Variants in TCTN1 observed in about 807,000 individuals in gnomAD.
The protein encoded by TCTN1 is tectonic family member 1.
A neutral mutation model predicts 65.8 loss-of-function variants in TCTN1; 58 were observed. That is an observed-to-expected ratio of 0.88 (90% CI 0.71 to 1.10). TCTN1 has a LOEUF of 1.10. Among genes scored for constraint, TCTN1 ranks in the 50% least tolerant of loss-of-function variants. The pLI is 0.00. For missense variants in TCTN1, 645 were observed against 719.4 expected (o/e 0.90, Z 1.18); for synonymous variants, 273 against 289.1 (o/e 0.94, Z 0.57).
rs1237182169 is a variant in TCTN1 at position 110,639,395 on chromosome 12, GTC to G, written c.844-986_844-985del. ...GGTGCTGCTGAAAATGTTTGTCTGT[GTC>G]TGTTTTTTGTTGCTCATAATCCTAC... On this transcript the variant is annotated intron_variant, in intron 7 of 14. Coordinates refer to ENST00000397659, the MANE Select transcript of TCTN1 (RefSeq NM_001082538.3). The surrounding 1 kb of genome is among the most constrained non-coding windows in gnomAD (Gnocchi z 4.9). Among the ~76,000 whole-genome samples, 2 of 152,228 alleles carry G rather than the reference GTC, an allele frequency of 1.3e-5. No individual in the cohort carries two copies. The highest frequency in any genetic ancestry group is 2.9e-5 in the Non-Finnish European group (2 of 68,024).
At chr12:110,627,990 CT>C (rs1335008117) in intron 3 of TCTN1, 1 of 1,495,878 alleles carries the variant, frequency 6.7e-7, no homozygotes, top group South Asian at 1.2e-5. Flanking sequence ...GTCAGGTTCT[CT>C]GTCGTAACAC....
intron 4 of TCTN1, 51 bp downstream of exon 4, chr12:110,628,969 T>C (rs1206372558): frequency 2.5e-6 from 4 of 1,607,240 alleles, no homozygotes; most frequent in Non-Finnish European, 3.4e-6. Context: ...ATATCTTTCC[T>C]TGTAAGTTAA....
chr12:110,638,883 AG>A (rs1338768299), intron 7 of TCTN1, among the ~76,000 whole-genome samples: 1 of 152,188 alleles, frequency 6.6e-6, no homozygotes, highest in Non-Finnish European at 1.5e-5. Context: ...ATAACAGCCT[AG>A]GACCCCCTCC....
intron 3 of TCTN1, chr12:110,628,169 T>G: frequency 6.5e-7 from 1 of 1,536,094 alleles, no homozygotes; most frequent in Non-Finnish European, 8.7e-7. Context: ...AACTCATCAG[T>G]CCAGGGGCTA....
Position 110,641,641 on chromosome 12 carries a change from T to A in TCTN1, c.1190+14T>A. 6.2e-7 allele frequency: 1 copy of A among 1,611,866 alleles called. No homozygotes were observed. The highest frequency in any genetic ancestry group is 8.5e-7 in the Non-Finnish European group (1 of 1,177,892). ...GCCTCATAAGGGATATCCTTTTTGG[T>A]TCTGTAGAGGGTGGATTTATTTCTC... On this transcript the variant is annotated intron_variant, in intron 10 of 14. Coordinates refer to ENST00000397659, the MANE Select transcript of TCTN1 (RefSeq NM_001082538.3).
At chr12:110,620,105 T>G in intron 2 of TCTN1, 149 bp downstream of exon 2, 2 of 1,239,468 alleles carry the variant, frequency 1.6e-6, no homozygotes, top group Non-Finnish European at 2.3e-6. Flanking sequence ...CAAACAAATA[T>G]GTAAAAAAGT....
rs2066857389 is a variant in TCTN1, at chr12:110,640,190, CAAGTA to C, written c.844-192_844-188del. 6.6e-6 allele frequency among the ~76,000 whole-genome samples: 1 copy of C among 152,146 alleles called. No individual in the cohort carries two copies. Among genetic ancestry groups the C allele is most frequent in the Non-Finnish European group, 1.5e-5 (1 of 68,024 alleles). On this transcript the variant is annotated intron_variant, in intron 7 of 14. Transcript: ENST00000397659. This position sits in a 1 kb window ranked among gnomAD's most constrained non-coding sequence, Gnocchi z 4.9. ...TTTTAAAGTTTTGGTTATATCCTCT[CAAGTA>C]TTTTCTTTGTGAATGTATATATGTT...
chr12:110,640,562 A>C lies in TCTN1; in HGVS notation c.978+45A>C. 1 of 1,613,674 alleles carries C rather than the reference A, an allele frequency of 6.2e-7. No homozygotes were observed. On this transcript the variant is annotated intron_variant, in intron 8 of 14. Coordinates refer to ENST00000397659, the MANE Select transcript of TCTN1 (RefSeq NM_001082538.3). The surrounding 1 kb of genome is among the most constrained non-coding windows in gnomAD (Gnocchi z 4.9). ...TTGAGAGCTTGTCTGTGGCAGACTT[A>C]AGCCTCTTGTTGCGCCGGGGTAACT...
At chr12:110,641,722 T>C in intron 10 of TCTN1, 95 bp downstream of exon 10, 1 of 1,317,646 alleles carries the variant, frequency 7.6e-7, no homozygotes, top group Non-Finnish European at 1.1e-6. Flanking sequence ...CTGGGCTGCT[T>C]GTGGGAAGGA....
At chr12:110,637,812 A>T (rs1407000011) in intron 7 of TCTN1, among the ~76,000 whole-genome samples, 1 of 152,216 alleles carries the variant, frequency 6.6e-6, no homozygotes, top group Non-Finnish European at 1.5e-5. Context: ...CAGCAGCCCT[A>T]TCAGCCTTGT....
Position 110,619,915 on chromosome 12 carries a change from G to A in TCTN1, c.300G>A (p.Val100=). ...NCCCDPDCSS[V]DFSVFSACSV... Reference sequence around the variant, plus strand: ...GCTGTGATCCCGACTGCAGCTCCGTGGATTTCAGTGTCTTTTCTGCCTGCT... The same window carrying A: ...GCTGTGATCCCGACTGCAGCTCCGTAGATTTCAGTGTCTTTTCTGCCTGCT... Residue 100 remains valine (V), a synonymous_variant, in exon 2 of 15, where the codon GTG becomes GTA. Transcript: ENST00000397659. 6.2e-7 allele frequency: 1 copy of A among 1,614,048 alleles called. No homozygotes were observed. Among genetic ancestry groups the A allele is most frequent in the Non-Finnish European group, 8.5e-7 (1 of 1,180,016 alleles).
At chr12:110,629,550 C>T (rs1337840896) in intron 4 of TCTN1, 3 of 152,248 alleles carry the variant, frequency 2.0e-5, no homozygotes, top group African/African-American at 7.2e-5. Flanking sequence ...CAGATACCAT[C>T]TCACGCCAGT....
chr12:110,625,417 C>G (rs2065767388), intron 2 of TCTN1, among the ~76,000 whole-genome samples: 1 of 152,102 alleles, frequency 6.6e-6, no homozygotes, highest in African/African-American at 2.4e-5. Flanking sequence ...GCTACTGTGA[C>G]TGGCCCAAAT....
At chr12:110,648,159 T>G (rs2067500184) in intron 14 of TCTN1, among the ~76,000 whole-genome samples, 2 of 152,080 alleles carry the variant, frequency 1.3e-5, no homozygotes, top group Admixed American at 1.3e-4. Flanking sequence ...TTTGTAGAGA[T>G]GGGGTCTTGC....
chr12:110,621,024 C>T lies in TCTN1; in HGVS notation c.341+1068C>T, dbSNP rs186174617. On this transcript the variant is annotated intron_variant, in intron 2 of 14. Coordinates refer to ENST00000397659, the MANE Select transcript of TCTN1 (RefSeq NM_001082538.3). ...TTCACCATATTGGTCAGGCTGCTCT[C>T]GAACTCCTGACCTCAGGTGATCCGC... 3.3e-5 allele frequency among the ~76,000 whole-genome samples: 5 copies of T among 152,204 alleles called. No individual in the cohort carries two copies. The East Asian group carries it at 9.6e-4, about 29-fold the overall frequency.
At chr12:110,624,188 C>T (rs970659068) in intron 2 of TCTN1, among the ~76,000 whole-genome samples, 1 of 150,348 alleles carries the variant, frequency 6.7e-6, no homozygotes. Context: ...TCCCAAAGTA[C>T]TGGCATTGTA....
chr12:110,616,252 TTA>T (rs1370419157), intron 1 of TCTN1: 1 of 450,694 alleles, frequency 2.2e-6, no homozygotes, highest in Non-Finnish European at 4.4e-6. Flanking sequence ...TCCTCACACT[TTA>T]TTTTTTTTTT....
intron 1 of TCTN1, among the ~76,000 whole-genome samples, chr12:110,618,301 C>T (rs1258245484): frequency 6.6e-6 from 1 of 151,760 alleles, no homozygotes; most frequent in Admixed American, 6.6e-5. Context: ...AATGCAGTGA[C>T]GCGATCTCGG....
At chr12:110,645,965 C>G (rs534912685) in intron 12 of TCTN1, 2 of 152,140 alleles carry the variant, frequency 1.3e-5, no homozygotes, top group Non-Finnish European at 2.9e-5. Context: ...CGTTCCACTG[C>G]GAAGTCTTGA....
Sources: gnomAD v4.1 joint callset for allele counts (sites outside exome capture counted in the v4.1 genomes callset) on GRCh38, gnomAD v4.1.1 for gene constraint, Gnocchi (gnomAD v3.1) non-coding constraint, MANE v1.5 for transcripts, NCBI Gene and HGNC (gene_info 2026-07-23, HGNC 2026-07-21) for gene names.